The following PPP1R12A variants were observed in gnomAD, a reference collection of about 807,000 sequenced individuals.
The protein encoded by PPP1R12A is protein phosphatase 1 regulatory subunit 12A, also known as myosin binding subunit.
Under a neutral mutation model 139.6 loss-of-function variants are expected in PPP1R12A, and 19 were observed. The observed-to-expected ratio is 0.14, with a 90% CI of 0.09 to 0.20. The LOEUF (loss-of-function observed/expected upper bound fraction) is 0.20. Ranked by LOEUF, PPP1R12A falls within the 10% of genes least tolerant of loss-of-function variation. PPP1R12A has a pLI of 1.00. For missense variants in PPP1R12A, 925 were observed against 1,211.5 expected (o/e 0.76, Z 3.51); for synonymous variants, 427 against 420.6 (o/e 1.02, Z -0.19).
At chr12:79,869,623 T>C (rs1173579776) in intron 2 of PPP1R12A, among the ~76,000 whole-genome samples, 1 of 152,172 alleles carries the variant, frequency 6.6e-6, no homozygotes, top group Admixed American at 6.6e-5. Flanking sequence ...CACACTGATG[T>C]AAACCAGTAG....
Position 79,807,337 on chromosome 12 carries a change from A to C in PPP1R12A, c.1551-7T>G. ...TCGCAAACTTGAAGAATCTCTGTTA[A>C]AAGAACACCCTTCAGATTCTGGTAC... is the stretch of plus-strand genomic sequence containing the variant. On this transcript the variant is annotated splice_polypyrimidine_tract_variant and splice_region_variant and intron_variant, in intron 11 of 24. Transcript: ENST00000450142. The C allele has an allele frequency of 6.7e-7, 1 of 1,483,542 alleles. No homozygotes were observed. The highest frequency in any genetic ancestry group is 2.0e-5 in the Admixed American group (1 of 50,526). 91.9% of individuals were successfully genotyped at this position (1,483,542 alleles called of 1,614,324 possible).
chr12:79,877,195 A>G (rs1883192111), intron 1 of PPP1R12A, among the ~76,000 whole-genome samples: 1 of 152,128 alleles, frequency 6.6e-6, no homozygotes, highest in Non-Finnish European at 1.5e-5. Flanking sequence ...ATTCCCTACC[A>G]TATTTAAAAT....
At chr12:79,855,291 A>T (rs1880513600) in intron 2 of PPP1R12A, among the ~76,000 whole-genome samples, 1 of 152,058 alleles carries the variant, frequency 6.6e-6, no homozygotes, top group Non-Finnish European at 1.5e-5. Context: ...CCTGGCCCCC[A>T]AATTATAATT....
chr12:79,773,798 T>C lies in PPP1R12A; in HGVS notation c.*2131A>G, dbSNP rs1239602818. On this transcript the variant is annotated 3_prime_UTR_variant, in exon 25 of 25. Coordinates refer to ENST00000450142, the MANE Select transcript of PPP1R12A (RefSeq NM_002480.3). ...ATATCTCAGAACAAAATTTAAAATGTCTTCATTAAAAGTTCACACATTTAA... is the reference window on the plus strand; with the variant it reads ...ATATCTCAGAACAAAATTTAAAATGCCTTCATTAAAAGTTCACACATTTAA... 6.6e-6 allele frequency: 1 copy of C among 152,206 alleles called. No homozygotes were observed. The highest frequency in any genetic ancestry group is 2.4e-5 in the African/African-American group (1 of 41,474). 9.4% of individuals were successfully genotyped at this position (152,206 alleles called of 1,614,324 possible).
At chr12:79,814,269 A>C (rs1592655914) in intron 9 of PPP1R12A, among the ~76,000 whole-genome samples, 1 of 151,346 alleles carries the variant, frequency 6.6e-6, no homozygotes, top group South Asian at 2.1e-4. Context: ...CGAGGTCAGG[A>C]GATCGAGACC....
At chr12:79,907,683 G>A (rs1642694094) in intron 1 of PPP1R12A, among the ~76,000 whole-genome samples, 1 of 152,198 alleles carries the variant, frequency 6.6e-6, no homozygotes, top group African/African-American at 2.4e-5. Context: ...AGGATCACTT[G>A]AGGCCAGCAG....
intron 14 of PPP1R12A, among the ~76,000 whole-genome samples, chr12:79,802,997 C>A (rs1404857070): frequency 6.6e-6 from 1 of 152,144 alleles, no homozygotes; most frequent in Non-Finnish European, 1.5e-5. Context: ...TCCCTATGAG[C>A]CTGGATTCCT....
chr12:79,827,825 A>C (rs532133449), intron 5 of PPP1R12A, among the ~76,000 whole-genome samples: 2 of 152,240 alleles, frequency 1.3e-5, no homozygotes, highest in South Asian at 4.1e-4. Flanking sequence ...CCCCTTTGGC[A>C]TAAAACTTTA....
chr12:79,846,762 C>T (rs556241349), intron 2 of PPP1R12A, among the ~76,000 whole-genome samples: 6 of 152,104 alleles, frequency 3.9e-5, no homozygotes, highest in Middle Eastern at 3.4e-3. Context: ...AAAAATTTTT[C>T]GATGGCTCTA....
intron 1 of PPP1R12A, among the ~76,000 whole-genome samples, chr12:79,923,062 G>C (rs1433256536): frequency 7.2e-5 from 11 of 152,000 alleles, no homozygotes; most frequent in Admixed American, 6.6e-4. Flanking sequence ...ATCACCTGAG[G>C]TCAGGAGTTC....
intron 24 of PPP1R12A, 113 bp from the exon 25 acceptor site, chr12:79,776,128 TTATA>T (rs1869689285): frequency 1.6e-6 from 1 of 620,280 alleles, no homozygotes; most frequent in Non-Finnish European, 2.6e-6. Flanking sequence ...GCTTTGTCAG[TTATA>T]TATATTTCTA....
intron 1 of PPP1R12A, among the ~76,000 whole-genome samples, chr12:79,894,875 G>A (rs1299471330): frequency 6.6e-6 from 1 of 152,086 alleles, no homozygotes. Flanking sequence ...CAGGTTGTCC[G>A]CCTTTCGTCT....
intron 1 of PPP1R12A, among the ~76,000 whole-genome samples, chr12:79,880,418 A>G (rs1592761066): frequency 6.6e-6 from 1 of 152,228 alleles, no homozygotes; most frequent in East Asian, 1.9e-4. Context: ...AGTGGTAGAC[A>G]GTATCTGTAA....
At chr12:79,880,647 T>C (rs1484902111) in intron 1 of PPP1R12A, among the ~76,000 whole-genome samples, 1 of 152,120 alleles carries the variant, frequency 6.6e-6, no homozygotes, top group Non-Finnish European at 1.5e-5. Context: ...TTTAGAGTTT[T>C]TAGGAAGAAG....
chr12:79,934,669 G>T, intron 1 of PPP1R12A, 26 bp downstream of exon 1: 1 of 1,502,756 alleles, frequency 6.7e-7, no homozygotes, highest in Non-Finnish European at 8.9e-7. Context: ...TCACGGTCAG[G>T]AGAGCCGGCG....
intron 10 of PPP1R12A, 28 bp downstream of exon 10, chr12:79,809,767 A>T: frequency 6.5e-7 from 1 of 1,548,984 alleles, no homozygotes. Flanking sequence ...AACAGTTTTC[A>T]TAGAAACCAG....
intron 4 of PPP1R12A, among the ~76,000 whole-genome samples, chr12:79,830,705 C>T (rs2596792): frequency 0.21 from 31,533 of 152,086 alleles, 5,891 homozygotes; most frequent in African/African-American, 0.5. Flanking sequence ...AAGTTGAGCA[C>T]TTTTTTTCAT....
At chr12:79,904,202 A>G (rs1383860459) in intron 1 of PPP1R12A, among the ~76,000 whole-genome samples, 7 of 151,718 alleles carry the variant, frequency 4.6e-5, no homozygotes, top group Non-Finnish European at 8.8e-5. Flanking sequence ...GTGACAGAGT[A>G]AGACTCTGTC....
intron 4 of PPP1R12A, among the ~76,000 whole-genome samples, chr12:79,829,320 T>TTTCTC (rs1482242256): frequency 6.6e-6 from 1 of 152,146 alleles, no homozygotes; most frequent in Non-Finnish European, 1.5e-5. Flanking sequence ...GATGTTGAGC[T>TTTCTC]TGAGAAGGAC....
Sources: allele counts gnomAD v4.1 joint callset (sites outside exome capture counted in the v4.1 genomes callset), GRCh38; gene constraint gnomAD v4.1.1; transcripts MANE v1.5; gene names NCBI Gene and HGNC (gene_info 2026-07-23, HGNC 2026-07-21).